The following RBFOX1 variants were observed in gnomAD, a reference collection of about 807,000 sequenced individuals.
The protein encoded by RBFOX1 is RNA binding protein fox-1 homolog 1.
Under a neutral mutation model 57.7 loss-of-function variants are expected in RBFOX1, and 8 were observed. That is an observed-to-expected ratio of 0.14 (90% confidence interval 0.08 to 0.25). RBFOX1 has a LOEUF of 0.25. Ranked by LOEUF, RBFOX1 falls within the 10% of genes least tolerant of loss-of-function variation. RBFOX1 has a pLI of 1.00. For synonymous variants in RBFOX1, 326 were observed against 222.4 expected, an observed-to-expected ratio of 1.47 and a Z score of -4.15; for missense variants, 611 against 548.5, an observed-to-expected ratio of 1.11 and a Z score of -1.14.
chr16:7,584,922 G>C (rs981547332), intron 6 of RBFOX1, among the ~76,000 whole-genome samples: 4 of 152,162 alleles, frequency 2.6e-5, no homozygotes, highest in African/African-American at 9.7e-5. Flanking sequence ...CAGGGCAGCT[G>C]ATGTCATTGT....
intron 4 of RBFOX1, among the ~76,000 whole-genome samples, chr16:7,318,810 G>A (rs1036823417): frequency 1.8e-4 from 27 of 152,210 alleles, no homozygotes; most frequent in African/African-American, 5.5e-4. Flanking sequence ...TGTGTTCTGC[G>A]TAGAACAGGT....
intron 3 of RBFOX1, among the ~76,000 whole-genome samples, chr16:5,729,531 G>A (rs1318693831): frequency 1.3e-5 from 2 of 151,564 alleles, no homozygotes; most frequent in Admixed American, 6.6e-5. Context: ...ATAGGCATGT[G>A]GGAACTAAGA....
At position 7,157,152 on chromosome 16, in the gene RBFOX1, G is replaced by T. The variant is rs189656710; in HGVS notation, c.27+105054G>T. Among the ~76,000 whole-genome samples, 221 of 152,290 alleles carry T rather than the reference G, an allele frequency of 1.5e-3. 1 individual carries two copies. Among genetic ancestry groups the T allele is most frequent in the African/African-American group, 5.2e-3 (216 of 41,552 alleles). The stretch of plus-strand genomic sequence containing the variant: ...GTATTCTCATTGGCACAGGATAAGG[G>T]AAGCAAACTCACCTGAGCATCGTTT... On this transcript the variant is annotated intron_variant, in intron 4 of 15. Transcript: ENST00000550418.
intron 4 of RBFOX1, among the ~76,000 whole-genome samples, chr16:7,229,296 C>T (rs2093340635): frequency 1.3e-5 from 2 of 152,078 alleles, no homozygotes; most frequent in South Asian, 2.1e-4. Context: ...TTGAGGAGAC[C>T]CTGAGATGGC....
chr16:6,641,539 A>G (rs1023079005), intron 2 of RBFOX1, among the ~76,000 whole-genome samples: 2 of 151,916 alleles, frequency 1.3e-5, no homozygotes, highest in Non-Finnish European at 2.9e-5. Flanking sequence ...GTTTAAGACA[A>G]GACCAGGCAA....
intron 3 of RBFOX1, among the ~76,000 whole-genome samples, chr16:5,791,604 C>G (rs2054699914): frequency 6.6e-6 from 1 of 152,102 alleles, no homozygotes. Context: ...AACAAGGGGT[C>G]TTAAGTTACT....
At chr16:5,852,783 TTG>T (rs2056929103) in intron 3 of RBFOX1, among the ~76,000 whole-genome samples, 1 of 151,990 alleles carries the variant, frequency 6.6e-6, no homozygotes, top group Non-Finnish European at 1.5e-5. Flanking sequence ...TGAGTTATGA[TTG>T]TACCACTGCT....
At chr16:5,598,035 G>T (rs2047243884) in intron 2 of RBFOX1, among the ~76,000 whole-genome samples, 1 of 152,110 alleles carries the variant, frequency 6.6e-6, no homozygotes, top group African/African-American at 2.4e-5. Flanking sequence ...GGTGGCTCAG[G>T]CCGGTAATGT....
intron 4 of RBFOX1, among the ~76,000 whole-genome samples, chr16:7,144,913 G>T (rs1477781877): frequency 6.6e-6 from 1 of 152,156 alleles, no homozygotes; most frequent in Non-Finnish European, 1.5e-5. Flanking sequence ...TGTCTCTGAT[G>T]TGAGGCACCT....
intron 3 of RBFOX1, among the ~76,000 whole-genome samples, chr16:6,808,178 G>GTGTGTGTGTGTATA (rs1318609964): frequency 5.5e-5 from 8 of 145,574 alleles, no homozygotes; most frequent in African/African-American, 1.8e-4. Context: ...GTGTGTGTGT[G>GTGTGTGTGTGTATA]TATATATATA....
intron 4 of RBFOX1, among the ~76,000 whole-genome samples, chr16:7,218,667 T>TGTGTGTGTGTGCGTGC (rs1264498852): frequency 6.8e-6 from 1 of 148,096 alleles, no homozygotes; most frequent in African/African-American, 2.5e-5. Flanking sequence ...TGTGTGTGTG[T>TGTGTGTGTGTGCGTGC]GTGTGTGTGT....
intron 3 of RBFOX1, among the ~76,000 whole-genome samples, chr16:5,714,676 T>G (rs2051621710): frequency 6.6e-6 from 1 of 152,134 alleles, no homozygotes; most frequent in Non-Finnish European, 1.5e-5. Context: ...TCTGCAAGAG[T>G]ATAAACAGTT....
intron 4 of RBFOX1, among the ~76,000 whole-genome samples, chr16:7,104,634 G>A (rs147696960): frequency 6.6e-5 from 10 of 152,148 alleles, no homozygotes; most frequent in African/African-American, 2.2e-4. Flanking sequence ...CCTCAGCCTG[G>A]GTATTTACAT....
chr16:6,806,819 T>TATATAAATATATAA (rs1567330933), intron 3 of RBFOX1, among the ~76,000 whole-genome samples: 1 of 77,400 alleles, frequency 1.3e-5, no homozygotes, highest in African/African-American at 4.6e-5. Context: ...AATATATAAA[T>TATATAAATATATAA]ATATATATAT....
intron 1 of RBFOX1, among the ~76,000 whole-genome samples, chr16:6,210,053 C>T (rs372898363): frequency 6.6e-6 from 1 of 151,894 alleles, no homozygotes. Flanking sequence ...CATGATGGCT[C>T]ATGCCTGTAG....
intron 4 of RBFOX1, among the ~76,000 whole-genome samples, chr16:7,246,079 C>G (rs2094286514): frequency 6.6e-6 from 1 of 151,676 alleles, no homozygotes; most frequent in South Asian, 2.1e-4. Context: ...TATGTTTTTA[C>G]TTTTATCTAA....
intron 4 of RBFOX1, among the ~76,000 whole-genome samples, chr16:7,215,045 C>G (rs2091805938): frequency 6.6e-6 from 1 of 152,128 alleles, no homozygotes; most frequent in Non-Finnish European, 1.5e-5. Context: ...TCCTAATGCT[C>G]TCCCTCTCCT....
chr16:7,546,059 G>T (rs867736826), intron 5 of RBFOX1, among the ~76,000 whole-genome samples: 5 of 152,016 alleles, frequency 3.3e-5, no homozygotes, highest in African/African-American at 1.2e-4. Flanking sequence ...AGGCACAGTG[G>T]CTCATGTCAG....
intron 4 of RBFOX1, among the ~76,000 whole-genome samples, chr16:7,308,328 C>G (rs1033759123): frequency 2.1e-5 from 3 of 142,446 alleles, no homozygotes; most frequent in Non-Finnish European, 4.5e-5. Context: ...GTTTAATGTC[C>G]TGAAAGAGGA....
Sources: gnomAD v4.1 joint callset for allele counts (sites outside exome capture counted in the v4.1 genomes callset) on GRCh38, gnomAD v4.1.1 for gene constraint, MANE v1.5 for transcripts, NCBI Gene and HGNC (gene_info 2026-07-23, HGNC 2026-07-21) for gene names.